Variants in ZYG11B observed in about 807,000 individuals in gnomAD.
ZYG11B encodes protein zyg-11 homolog B.
In ZYG11B, 36 loss-of-function variants were observed where a neutral mutation model predicts 82.4. That is an observed-to-expected ratio of 0.44 (90% CI 0.33 to 0.58). ZYG11B has a LOEUF of 0.58. Among genes scored for constraint, ZYG11B ranks in the 20% least tolerant of loss-of-function variants. The pLI is 0.02. For synonymous variants in ZYG11B, 303 were observed against 312.8 expected (o/e 0.97, Z 0.33); for missense variants, 552 against 895.6 (o/e 0.62, Z 4.90).
chr1:52,813,463 G>A, intron 10 of ZYG11B, 73 bp from the exon 11 acceptor site: 1 of 1,173,606 alleles, frequency 8.5e-7, no homozygotes, highest in Non-Finnish European at 1.2e-6. Flanking sequence ...GTTATCCAGG[G>A]CCTAAAAACA....
intron 10 of ZYG11B, among the ~76,000 whole-genome samples, chr1:52,809,479 G>A (rs754395920): frequency 5.9e-5 from 9 of 152,080 alleles, no homozygotes; most frequent in Non-Finnish European, 1.2e-4. Flanking sequence ...GAGCCACCGC[G>A]CCCGGCCACA....
chr1:52,760,189 T>C (rs1479441547), intron 2 of ZYG11B, among the ~76,000 whole-genome samples: 1 of 152,182 alleles, frequency 6.6e-6, no homozygotes, highest in Admixed American at 6.5e-5. Flanking sequence ...ACGCCTGTAA[T>C]CCAAGTACTT....
At chr1:52,772,594 G>C in intron 3 of ZYG11B, 1 of 1,478,898 alleles carries the variant, frequency 6.8e-7, no homozygotes, top group African/African-American at 1.4e-5. Flanking sequence ...AAGCTGCGTC[G>C]ATAGGGTAAA....
At chr1:52,770,914 C>T (rs576142706) in intron 2 of ZYG11B, 106 bp from the exon 3 acceptor site, 12 of 1,202,822 alleles carry the variant, frequency 1.0e-5, no homozygotes, top group African/African-American at 6.1e-5. Context: ...GATTATCAGA[C>T]GAGATACTGT....
intron 6 of ZYG11B, among the ~76,000 whole-genome samples, chr1:52,793,887 C>CCTTCCTTCCTTCCTTCCTTCCTTCCTTA (rs1553261678): frequency 1.4e-5 from 2 of 144,854 alleles, no homozygotes; most frequent in Non-Finnish European, 3.0e-5. Flanking sequence ...TTCCTTCCTT[C>CCTTCCTTCCTTCCTTCCTTCCTTCCTTA]CTTCCTTCCT....
At chr1:52,772,264 T>G in intron 3 of ZYG11B, 1 of 1,326,822 alleles carries the variant, frequency 7.5e-7, no homozygotes, top group Non-Finnish European at 1.1e-6. Flanking sequence ...CTTGGTCTTA[T>G]AATATTGAGC....
intron 8 of ZYG11B, among the ~76,000 whole-genome samples, chr1:52,801,612 G>C (rs577368113): frequency 1.8e-4 from 27 of 152,146 alleles, no homozygotes; most frequent in African/African-American, 6.0e-4. Context: ...TTATAGATAT[G>C]ATCAGAATAA....
chr1:52,785,777 G>A (rs1156727470), intron 5 of ZYG11B, among the ~76,000 whole-genome samples: 1 of 152,054 alleles, frequency 6.6e-6, no homozygotes, highest in Non-Finnish European at 1.5e-5. Context: ...ATTTGAAATT[G>A]ACCATTGAGT....
intron 1 of ZYG11B, among the ~76,000 whole-genome samples, chr1:52,752,869 A>G (rs1380855605): frequency 1.3e-5 from 2 of 151,170 alleles, no homozygotes; most frequent in East Asian, 3.9e-4. Context: ...GGGGTGGGGT[A>G]CAGAGTCTCG....
intron 1 of ZYG11B, among the ~76,000 whole-genome samples, chr1:52,735,977 C>A (rs1417117227): frequency 6.6e-5 from 10 of 152,136 alleles, no homozygotes; most frequent in Admixed American, 2.6e-4. Context: ...TAAAATGATA[C>A]TCTGTTAAGT....
intron 1 of ZYG11B, among the ~76,000 whole-genome samples, chr1:52,745,806 C>T (rs1644471280): frequency 1.3e-5 from 2 of 150,636 alleles, no homozygotes; most frequent in South Asian, 2.1e-4. Context: ...TCAAGCAATC[C>T]ACCCATCTCA....
Position 52,785,022 on chromosome 1 carries a change from A to C in ZYG11B, c.1238A>C (p.Lys413Thr), listed in dbSNP as rs758112839. The C allele has an allele frequency of 6.2e-7, 1 of 1,613,340 alleles. No homozygotes were observed. Among genetic ancestry groups the C allele is most frequent in the Non-Finnish European group, 8.5e-7 (1 of 1,179,890 alleles). ...GCTGATGTGACCCATTTGCTGCTCA[A>C]AGCCATGGAACATTTTCCCAATCAC... The part of the protein sequence containing the change: ...LLADVTHLLL[K>T]AMEHFPNHQQ... The change falls in exon 5 of 14, where the codon AAA (lysine) becomes ACA (threonine). Residue 413 changes from lysine (K) to threonine (T), a missense_variant. Lys to Thr is a moderately conservative substitution (Grantham distance 78, BLOSUM62 -1). This residue lies in a region of ZYG11B where 359 missense variants were observed against 555.8 expected (regional missense o/e 0.65). Coordinates refer to ENST00000294353, the MANE Select transcript of ZYG11B (RefSeq NM_024646.3).
chr1:52,790,139 C>A, intron 6 of ZYG11B, 72 bp downstream of exon 6: 2 of 1,064,596 alleles, frequency 1.9e-6, no homozygotes, highest in Non-Finnish European at 2.7e-6. Context: ...TCATTTCTTA[C>A]CATTTAGGAT....
intron 2 of ZYG11B, among the ~76,000 whole-genome samples, chr1:52,767,530 C>T (rs1055940474): frequency 1.3e-5 from 2 of 151,758 alleles, no homozygotes; most frequent in Admixed American, 6.6e-5. Context: ...GTCTCGATCT[C>T]CTGACCTTGT....
intron 1 of ZYG11B, among the ~76,000 whole-genome samples, chr1:52,745,446 G>A (rs1644467841): frequency 6.6e-6 from 1 of 152,158 alleles, no homozygotes; most frequent in African/African-American, 2.4e-5. Flanking sequence ...AAGAGCAGAG[G>A]ATCTGCTTAT....
intron 13 of ZYG11B, among the ~76,000 whole-genome samples, chr1:52,817,324 C>T (rs1054690364): frequency 1.3e-5 from 2 of 152,046 alleles, no homozygotes; most frequent in African/African-American, 4.8e-5. Flanking sequence ...CTGCCAGCAC[C>T]CATGGTTTCT....
At chr1:52,750,869 C>T (rs1052778771) in intron 1 of ZYG11B, among the ~76,000 whole-genome samples, 9 of 152,288 alleles carry the variant, frequency 5.9e-5, no homozygotes, top group Admixed American at 4.6e-4. Context: ...TCATACAATA[C>T]GTGGTTTTTT....
rs1571765979 is a variant in ZYG11B at position 52,771,554 on chromosome 1, T to C, written c.731T>C (p.Ile244Thr). 6.2e-7 allele frequency: 1 copy of C among 1,614,006 alleles called. No homozygotes were observed. ...CTCAAACATCTGAATCATCTTGATATCTCAGATGATAAACAGTTTACATCA... is the reference window on the plus strand; with the variant it reads ...CTCAAACATCTGAATCATCTTGATACCTCAGATGATAAACAGTTTACATCA... ...RELKHLNHLD[I>T]SDDKQFTSDI... is the part of the protein sequence containing the mutation. The change falls in exon 3 of 14, where the codon ATC becomes ACC. Residue 244 changes from isoleucine (I) to threonine (T), a missense_variant. Around this residue, in one of 3 missense-constraint regions of ZYG11B, gnomAD observed 359 missense variants for 555.8 expected, o/e 0.65. Transcript: ENST00000294353. The surrounding 1 kb of genome is among the most constrained non-coding windows in gnomAD (Gnocchi z 5.4).
At chr1:52,777,607 AT>A (rs2149943093) in intron 3 of ZYG11B, among the ~76,000 whole-genome samples, 1 of 151,958 alleles carries the variant, frequency 6.6e-6, no homozygotes, top group African/African-American at 2.4e-5. Flanking sequence ...CACGTAACTA[AT>A]TTTTCTTTTC....
Sources: allele counts gnomAD v4.1 joint callset (sites outside exome capture counted in the v4.1 genomes callset), GRCh38; gene constraint gnomAD v4.1.1; regional missense constraint gnomAD v4.1.1; non-coding constraint Gnocchi (gnomAD v3.1); transcripts MANE v1.5; gene names NCBI Gene and HGNC (gene_info 2026-07-23, HGNC 2026-07-21).